The following NEBL variants were observed in gnomAD, a reference collection of about 807,000 sequenced individuals.
NEBL encodes the protein LIM and SH3 protein 2.
NEBL carries 122 observed loss-of-function variants against 140.2 expected under a neutral mutation model. That is an observed-to-expected ratio of 0.87 (90% CI 0.75 to 1.01). The LOEUF (loss-of-function observed/expected upper bound fraction) is 1.01. Among genes scored for constraint, NEBL ranks in the 50% least tolerant of loss-of-function variants. The pLI is 0.00. For synonymous variants in NEBL, 436 were observed against 398.9 expected (o/e 1.09, Z -1.11); for missense variants, 1,365 against 1,231.3 (o/e 1.11, Z -1.62).
At chr10:20,860,222 G>A (rs1337670114) in intron 7 of NEBL, among the ~76,000 whole-genome samples, 3 of 151,914 alleles carry the variant, frequency 2.0e-5, no homozygotes, top group Admixed American at 1.3e-4. Flanking sequence ...TTTTCCTAAG[G>A]GAATTATTCC....
chr10:20,968,294 G>A (rs889072322), intron 3 of NEBL, among the ~76,000 whole-genome samples: 4 of 151,738 alleles, frequency 2.6e-5, no homozygotes, highest in Admixed American at 1.3e-4. Flanking sequence ...TGCTTGAGGC[G>A]TGGAGTTTGA....
At chr10:20,904,585 T>C (rs1304199842) in intron 4 of NEBL, among the ~76,000 whole-genome samples, 1 of 152,194 alleles carries the variant, frequency 6.6e-6, no homozygotes, top group Non-Finnish European at 1.5e-5. Context: ...TATCAGCTTT[T>C]GGTTTTGTTT....
chr10:20,925,956 T>A (rs750205062), intron 4 of NEBL, among the ~76,000 whole-genome samples: 2 of 152,170 alleles, frequency 1.3e-5, no homozygotes, highest in Non-Finnish European at 1.5e-5. Flanking sequence ...TGTCTATAGG[T>A]GTGGGCCATT....
At chr10:20,999,274 G>C (rs1353410495) in intron 3 of NEBL, among the ~76,000 whole-genome samples, 1 of 152,074 alleles carries the variant, frequency 6.6e-6, no homozygotes, top group Non-Finnish European at 1.5e-5. Context: ...AAGACCTGCA[G>C]TGATGCTATA....
chr10:20,897,887 T>C (rs1847641156), upstream of NEBL, among the ~76,000 whole-genome samples: 1 of 152,234 alleles, frequency 6.6e-6, no homozygotes, highest in Non-Finnish European at 1.5e-5. Flanking sequence ...GTTAGTATTA[T>C]ACTGGCGAGT....
At chr10:21,132,984 T>C (rs1839185541) in intron 2 of NEBL, among the ~76,000 whole-genome samples, 1 of 152,228 alleles carries the variant, frequency 6.6e-6, no homozygotes, top group South Asian at 2.1e-4. Context: ...TAAATGTTGA[T>C]GAAGTCTAAT....
intron 2 of NEBL, among the ~76,000 whole-genome samples, chr10:21,024,794 C>T (rs72790575): frequency 0.076 from 11,378 of 149,406 alleles, 507 homozygotes; most frequent in Middle Eastern, 0.12. Context: ...TCAACTTCCA[C>T]TCACCCACCA....
chr10:20,905,886 A>T (rs541211041), intron 4 of NEBL, among the ~76,000 whole-genome samples: 1 of 152,266 alleles, frequency 6.6e-6, no homozygotes, highest in Non-Finnish European at 1.5e-5. Flanking sequence ...CAAAAAGCTG[A>T]AGTCAGTTTG....
intron 3 of NEBL, among the ~76,000 whole-genome samples, chr10:21,010,838 T>C (rs1838311623): frequency 6.6e-6 from 1 of 152,254 alleles, no homozygotes; most frequent in Non-Finnish European, 1.5e-5. Context: ...ACTGTAGCTA[T>C]TCTTGTCTTT....
intron 1 of NEBL, among the ~76,000 whole-genome samples, chr10:21,261,500 C>T (rs1401992805): frequency 6.6e-6 from 1 of 151,786 alleles, no homozygotes; most frequent in African/African-American, 2.4e-5. Context: ...TCCCTACAAA[C>T]AATATAAAAA....
chr10:20,801,611 C>T (rs1300629776), intron 26 of NEBL, among the ~76,000 whole-genome samples: 1 of 152,024 alleles, frequency 6.6e-6, no homozygotes, highest in Non-Finnish European at 1.5e-5. Context: ...AAACAGTACC[C>T]GTTTCTTTTA....
At chr10:21,234,212 T>A (rs1196688430) in intron 3 of NEBL, among the ~76,000 whole-genome samples, 1 of 152,046 alleles carries the variant, frequency 6.6e-6, no homozygotes, top group Admixed American at 6.6e-5. Flanking sequence ...CTGGACCTGA[T>A]GTAGTTTCCT....
chr10:21,223,567 C>A (rs114689679), intron 3 of NEBL, among the ~76,000 whole-genome samples: 1 of 152,188 alleles, frequency 6.6e-6, no homozygotes, highest in Non-Finnish European at 1.5e-5. Context: ...ATACACCTAG[C>A]AGTGCGATTG....
At chr10:21,154,991 G>A (rs1354054615) in intron 2 of NEBL, among the ~76,000 whole-genome samples, 1 of 152,110 alleles carries the variant, frequency 6.6e-6, no homozygotes, top group Non-Finnish European at 1.5e-5. Context: ...ACGAGGTCAG[G>A]AGTTCGAGAC....
chr10:20,993,462 C>A (rs915830754), intron 3 of NEBL, among the ~76,000 whole-genome samples: 5 of 152,220 alleles, frequency 3.3e-5, no homozygotes, highest in Admixed American at 3.3e-4. Context: ...GCCCAAAAGT[C>A]AGTGGCTTAC....
intron 3 of NEBL, among the ~76,000 whole-genome samples, chr10:21,232,591 C>A (rs1233793670): frequency 6.6e-6 from 1 of 152,188 alleles, no homozygotes; most frequent in Non-Finnish European, 1.5e-5. Flanking sequence ...AAGGAGCATG[C>A]AACCTAGATC....
intron 1 of NEBL, among the ~76,000 whole-genome samples, chr10:21,283,115 G>A (rs925144149): frequency 1.4e-5 from 2 of 141,708 alleles, no homozygotes; most frequent in Non-Finnish European, 3.1e-5. Flanking sequence ...TAGCCTGGGC[G>A]ACAGGGCAAG....
chr10:20,808,350 A>T (rs952340342), intron 26 of NEBL, among the ~76,000 whole-genome samples, 160 bp downstream of exon 26: 7 of 137,244 alleles, frequency 5.1e-5, no homozygotes, highest in African/African-American at 8.8e-5. Flanking sequence ...TTTTTTCTTT[A>T]AAAAAAAAAA....
intron 2 of NEBL, among the ~76,000 whole-genome samples, chr10:21,105,275 C>T (rs747000032): frequency 6.6e-5 from 10 of 151,950 alleles, no homozygotes; most frequent in South Asian, 2.1e-4. Flanking sequence ...TGTTTGTTGG[C>T]TTGCTACACC....
Sources: allele counts gnomAD v4.1 joint callset (sites outside exome capture counted in the v4.1 genomes callset), GRCh38; gene constraint gnomAD v4.1.1; transcripts MANE v1.5; gene names NCBI Gene and HGNC (gene_info 2026-07-23, HGNC 2026-07-21).